The following CELF2 variants were observed in gnomAD, a reference collection of about 807,000 sequenced individuals.
CELF2 encodes the protein CUGBP Elav-like family member 2.
In CELF2, 8 loss-of-function variants were observed where a neutral mutation model predicts 62.6. The ratio of observed to expected loss-of-function variants is 0.13; its 90% CI spans 0.07 to 0.23. CELF2 has a LOEUF of 0.23. CELF2 is among the 10% of genes least tolerant of loss of function. CELF2 has a pLI of 1.00. For missense variants in CELF2, 333 were observed against 671.0 expected, an observed-to-expected ratio of 0.50 and a Z score of 5.56; for synonymous variants, 258 against 250.0, an observed-to-expected ratio of 1.03 and a Z score of -0.30.
chr10:11,168,829 A>G (rs1312086024), intron 2 of CELF2: 1 of 152,184 alleles, frequency 6.6e-6, no homozygotes, highest in African/African-American at 2.4e-5. Context: ...CGAGCCTGAG[A>G]TACCTATATT....
the CELF2 span, among the ~76,000 whole-genome samples, chr10:10,788,002 A>G: frequency 6.6e-6 from 1 of 152,186 alleles, no homozygotes; most frequent in Admixed American, 6.5e-5. Context: ...AATAGACTCT[A>G]CCACTAGATT....
chr10:10,968,318 C>T (rs572708343), intron 2 of CELF2, among the ~76,000 whole-genome samples: 1 of 152,244 alleles, frequency 6.6e-6, no homozygotes, highest in East Asian at 1.9e-4. Flanking sequence ...TTTCTATAAA[C>T]AATCTGTGTT....
At chr10:10,965,956 T>C (rs1000346922) in intron 2 of CELF2, among the ~76,000 whole-genome samples, 1 of 152,240 alleles carries the variant, frequency 6.6e-6, no homozygotes, top group Non-Finnish European at 1.5e-5. Flanking sequence ...ATAGAATGAC[T>C]GTGACAAGCA....
At chr10:11,021,856 A>G (rs923582740) in intron 1 of CELF2, among the ~76,000 whole-genome samples, 1 of 152,260 alleles carries the variant, frequency 6.6e-6, no homozygotes, top group African/African-American at 2.4e-5. Flanking sequence ...GAGAATGAGC[A>G]TAAGAAATAA....
chr10:10,533,451 A>G, the CELF2 span, among the ~76,000 whole-genome samples: 1 of 152,244 alleles, frequency 6.6e-6, no homozygotes, highest in Admixed American at 6.5e-5. Flanking sequence ...AATACCTATT[A>G]TGGGTCATTA....
At chr10:10,839,311 C>T (rs1009648954) in intron 1 of CELF2, among the ~76,000 whole-genome samples, 1 of 152,190 alleles carries the variant, frequency 6.6e-6, no homozygotes, top group South Asian at 2.1e-4. Flanking sequence ...ATGTAACCCT[C>T]TATATAAATA....
intron 1 of CELF2, among the ~76,000 whole-genome samples, chr10:11,031,260 G>A (rs764857864): frequency 1.6e-4 from 25 of 152,192 alleles, no homozygotes; most frequent in Middle Eastern, 3.4e-3. Flanking sequence ...AGTAGGCCTC[G>A]TAAGTAGGCA....
intron 2 of CELF2, among the ~76,000 whole-genome samples, chr10:10,999,182 G>A (rs74443071): frequency 0.011 from 1,604 of 152,256 alleles, 26 homozygotes; most frequent in African/African-American, 0.036. Context: ...CAAATTGTGC[G>A]ATACAGCTGC....
At chr10:10,978,547 A>C (rs1376735039) in intron 2 of CELF2, among the ~76,000 whole-genome samples, 1 of 152,228 alleles carries the variant, frequency 6.6e-6, no homozygotes, top group Non-Finnish European at 1.5e-5. Context: ...GAGATTGACA[A>C]CTACATGTTA....
intron 1 of CELF2, among the ~76,000 whole-genome samples, chr10:11,057,699 A>AT (rs2065640216): frequency 6.6e-6 from 1 of 152,170 alleles, no homozygotes; most frequent in Admixed American, 6.5e-5. Context: ...ATAAGGATGT[A>AT]ACGTGGGGAT....
the CELF2 span, among the ~76,000 whole-genome samples, chr10:10,725,079 G>A: frequency 6.6e-6 from 1 of 152,104 alleles, no homozygotes; most frequent in Non-Finnish European, 1.5e-5. Flanking sequence ...GAATTACTTT[G>A]GGGTTTACTT....
At position 11,246,762 on chromosome 10, in the gene CELF2, C is replaced by T. The variant is rs1192898275; in HGVS notation, c.355-2391C>T. Reference sequence around the variant, plus strand: ...TCGGCTCTCAGCTCTTTGCACCCTTCTTTCCCTCGCTGACAGCTTCGCGCA... The same window carrying T: ...TCGGCTCTCAGCTCTTTGCACCCTTTTTTCCCTCGCTGACAGCTTCGCGCA... On this transcript the variant is annotated intron_variant, in intron 3 of 12. Coordinates refer to ENST00000633077, the MANE Select transcript of CELF2 (RefSeq NM_001326342.2). The surrounding 1 kb of genome is among the most constrained non-coding windows in gnomAD (Gnocchi z 4.6). Among the ~76,000 whole-genome samples, 2 of 152,200 alleles carry T rather than the reference C, an allele frequency of 1.3e-5. No homozygotes were observed. The highest frequency in any genetic ancestry group is 4.8e-5 in the African/African-American group (2 of 41,430).
rs1241613678 is a variant in CELF2, at chr10:11,324,417, A to T, written c.1295-1419A>T. Among the ~76,000 whole-genome samples, 2 of 152,178 alleles carry T rather than the reference A, an allele frequency of 1.3e-5. No individual in the cohort carries two copies. Among genetic ancestry groups the T allele is most frequent in the African/African-American group, 4.8e-5 (2 of 41,448 alleles). The stretch of plus-strand genomic sequence containing the variant: ...TCAGGTTTTGCATCTTTTCATGTTA[A>T]ATTTTGATTCCCTTAAAACCAGAAA... On this transcript the variant is annotated intron_variant, in intron 11 of 12. Transcript: ENST00000633077. The surrounding 1 kb of genome is among the most constrained non-coding windows in gnomAD (Gnocchi z 4.7).
At chr10:10,905,614 C>T (rs1046052937) in intron 1 of CELF2, among the ~76,000 whole-genome samples, 13 of 150,920 alleles carry the variant, frequency 8.6e-5, no homozygotes, top group African/African-American at 1.5e-4. Context: ...CGTGGTGGCT[C>T]ACGCCTGTAA....
the CELF2 span, among the ~76,000 whole-genome samples, chr10:10,567,232 C>T: frequency 6.6e-6 from 1 of 152,162 alleles, no homozygotes; most frequent in African/African-American, 2.4e-5. Context: ...AATAAACTGC[C>T]TTTATTTTAA....
At chr10:11,221,909 T>G (rs1204717831) in intron 3 of CELF2, among the ~76,000 whole-genome samples, 1 of 152,210 alleles carries the variant, frequency 6.6e-6, no homozygotes, top group East Asian at 1.9e-4. Flanking sequence ...CCATGCAAGG[T>G]GAGCGAGGAC....
At position 11,197,024 on chromosome 10, in the gene CELF2, G is replaced by GAAAGAAAGAAAGAAGGAAAGAAGGAAAGA. The variant is rs2057832558; in HGVS notation, c.272-20398_272-20397insGAAAGAAAGAAGGAAAGAAGGAAAGAAAA. 6.3e-4 allele frequency among the ~76,000 whole-genome samples: 3 copies of GAAAGAAAGAAAGAAGGAAAGAAGGAAAGA among 4,726 alleles called. 1 individual carries two copies. The highest frequency in any genetic ancestry group is 1.2e-3 in the African/African-American group (3 of 2,518). 3.1% of individuals were successfully genotyped at this position (4,726 alleles called of 152,430 possible). Reference sequence around the variant, plus strand: ...AAGGAGAAAGAAAGAAAGAAAGAAAGAAAAGAAAGAAAGAAAGAAAGAAAG... The same window carrying GAAAGAAAGAAAGAAGGAAAGAAGGAAAGA: ...AAGGAGAAAGAAAGAAAGAAAGAAAGAAAGAAAGAAAGAAGGAAAGAAGGAAAGAAAAAGAAAGAAAGAAAGAAAGAAAG... On this transcript the variant is annotated intron_variant, in intron 2 of 12. Coordinates refer to ENST00000633077, the MANE Select transcript of CELF2 (RefSeq NM_001326342.2).
the CELF2 span, among the ~76,000 whole-genome samples, chr10:10,722,301 A>C: frequency 6.6e-6 from 1 of 152,210 alleles, no homozygotes; most frequent in Non-Finnish European, 1.5e-5. Context: ...CAACAAAGCA[A>C]AACCGTCTTT....
chr10:10,852,499 TGTG>T lies in CELF2; in HGVS notation c.53+53688_53+53690del, dbSNP rs1431163675. On this transcript the variant is annotated intron_variant, in intron 1 of 13. Coordinates refer to the CELF2 transcript ENST00000636488. ...ATAAAAGGACAGCATGAGGAATGCTTGTGGTGGTAGAATTGTTGTGTATCTTGA... is the reference window on the plus strand; with the variant it reads ...ATAAAAGGACAGCATGAGGAATGCTTGTGGTAGAATTGTTGTGTATCTTGA... 9.2e-5 allele frequency among the ~76,000 whole-genome samples: 14 copies of T among 152,280 alleles called. No homozygotes were observed. The East Asian group carries it at 2.7e-3, about 29-fold the overall frequency.
Sources: gnomAD v4.1 joint callset for allele counts (sites outside exome capture counted in the v4.1 genomes callset) on GRCh38, gnomAD v4.1.1 for gene constraint, Gnocchi (gnomAD v3.1) non-coding constraint, MANE v1.5 for transcripts, NCBI Gene and HGNC (gene_info 2026-07-23, HGNC 2026-07-21) for gene names.